Variants in TRIM34 observed in about 807,000 individuals in gnomAD.
The protein encoded by TRIM34 is E3 ubiquitin-protein ligase TRIM34.
TRIM34 carries 41 observed loss-of-function variants against 38.1 expected under a neutral mutation model. That is an observed-to-expected ratio of 1.08 (90% CI 0.84 to 1.40). The LOEUF is 1.40. Among genes scored for constraint, TRIM34 ranks in the 40% most tolerant of loss-of-function variants. TRIM34 has a pLI of 0.00. For missense variants in TRIM34, 556 were observed against 571.4 expected (o/e 0.97, Z 0.27); for synonymous variants, 200 against 202.5 (o/e 0.99, Z 0.10).
chr11:5,627,298 T>C (rs1849290131), intron 1 of TRIM34, among the ~76,000 whole-genome samples: 1 of 151,962 alleles, frequency 6.6e-6, no homozygotes, highest in Non-Finnish European at 1.5e-5. Flanking sequence ...GAGAAGCGCT[T>C]GAACCCAGCA....
intron 1 of TRIM34, among the ~76,000 whole-genome samples, chr11:5,626,210 G>T (rs1301769419): frequency 3.3e-5 from 5 of 152,172 alleles, no homozygotes; most frequent in African/African-American, 1.2e-4. Context: ...TATAAAGCAG[G>T]CTGCTAATGT....
chr11:5,634,492 TAC>T (rs3060967), intron 3 of TRIM34, 137 bp from the exon 4 acceptor site: 96,263 of 226,662 alleles, frequency 0.42, 19,144 homozygotes, highest in Admixed American at 0.46. Flanking sequence ...ATAATATAAA[TAC>T]ACACACACAC....
upstream of TRIM34, among the ~76,000 whole-genome samples, chr11:5,621,887 T>A (rs1310948785): frequency 6.6e-6 from 1 of 152,136 alleles, no homozygotes; most frequent in Non-Finnish European, 1.5e-5. Context: ...ACATCTCACA[T>A]TTATTGATTG....
rs1184766229 is a variant in TRIM34, at chr11:5,634,524, CACACACATATATATAT to C, written c.520-105_520-90del. ...ACACACACACACACACACACACACA[CACACACATATATATAT>C]ATATATATTTCCCTACTGGCTCCTA... On this transcript the variant is annotated intron_variant, in intron 3 of 7. Coordinates refer to ENST00000429814, the MANE Select transcript of TRIM34 (RefSeq NM_021616.6). The C allele has an allele frequency of 7.4e-6, 5 of 676,796 alleles. No homozygotes were observed. In the African/African-American group the frequency reaches 1.1e-4, roughly 15 times the overall value. 41.9% of individuals were successfully genotyped at this position (676,796 alleles called of 1,614,324 possible).
At chr11:5,622,554 G>A (rs916255648), upstream of TRIM34, among the ~76,000 whole-genome samples, 1 of 152,042 alleles carries the variant, frequency 6.6e-6, no homozygotes, top group Non-Finnish European at 1.5e-5. Flanking sequence ...GGAGGCGGAG[G>A]TTGCGGTGAG....
chr11:5,631,178 G>A (rs1050510631), intron 1 of TRIM34, among the ~76,000 whole-genome samples: 2 of 152,116 alleles, frequency 1.3e-5, no homozygotes, highest in Non-Finnish European at 2.9e-5. Context: ...ATCAACCTCT[G>A]TAACATCCTT....
chr11:5,632,635 G>A lies in TRIM34; in HGVS notation c.304G>A (p.Glu102Lys), dbSNP rs1377509121. Residue 102 changes from glutamate (E) to lysine (K), a missense_variant, in exon 2 of 8, where the codon GAG becomes AAG. Coordinates refer to ENST00000429814, the MANE Select transcript of TRIM34 (RefSeq NM_021616.6). Reference protein sequence around the residue: ...KKRDLCDHHGEKLLLFCKEDR... With the variant: ...KKRDLCDHHGKKLLLFCKEDR... ...GAGAGATCTCTGTGATCATCATGGA[G>A]AGAAACTCCTACTCTTCTGTAAGGA... 5.0e-6 allele frequency: 8 copies of A among 1,613,008 alleles called. No individual in the cohort carries two copies. In the African/African-American group the frequency reaches 9.4e-5, roughly 19 times the overall value.
At chr11:5,621,139 T>C (rs1848981034), upstream of TRIM34, among the ~76,000 whole-genome samples, 2 of 152,226 alleles carry the variant, frequency 1.3e-5, no homozygotes, top group Admixed American at 1.3e-4. Context: ...CTTTAACCCC[T>C]GCATCCCAGT....
intron 1 of TRIM34, among the ~76,000 whole-genome samples, chr11:5,628,804 T>C (rs1196795247): frequency 2.0e-5 from 2 of 100,068 alleles, no homozygotes; most frequent in Non-Finnish European, 2.9e-5. Flanking sequence ...GCGGCAAAGT[T>C]GATTTTTTTT....
chr11:5,627,505 C>A (rs1590156592), intron 1 of TRIM34, among the ~76,000 whole-genome samples: 1 of 152,266 alleles, frequency 6.6e-6, no homozygotes, highest in African/African-American at 2.4e-5. Flanking sequence ...AAAAAAAACT[C>A]TTTCAGCATA....
intron 6 of TRIM34, 37 bp from the exon 7 acceptor site, chr11:5,642,780 T>A: frequency 6.2e-7 from 1 of 1,613,654 alleles, no homozygotes; most frequent in Middle Eastern, 1.7e-4. Flanking sequence ...TACTCCTTTG[T>A]TTCTAATCAG....
In TRIM34 at chr11:5,643,870, C is replaced by A; in HGVS notation, c.*161C>A. On this transcript the variant is annotated 3_prime_UTR_variant, in exon 8 of 8. Transcript: ENST00000429814. ...TATTTGGCTTGAGTTATGAGAGATG[C>A]TTATTTATTCATTTACTCTTTTTCA... is the stretch of plus-strand genomic sequence containing the variant. 1.1e-6 allele frequency: 1 copy of A among 910,392 alleles called. No individual in the cohort carries two copies. Among genetic ancestry groups the A allele is most frequent in the East Asian group, 2.6e-5 (1 of 38,108 alleles). The allele number at this position is 910,392 out of a possible 1,614,324, so 56.4% of individuals were successfully genotyped here.
chr11:5,632,384 G>T lies in TRIM34; in HGVS notation c.53G>T (p.Cys18Phe), dbSNP rs371019011. 1 of 1,614,086 alleles carries T rather than the reference G, an allele frequency of 6.2e-7. No individual in the cohort carries two copies. The highest frequency in any genetic ancestry group is 1.3e-5 in the African/African-American group (1 of 75,016). ...CAAGAGGAGGTGACCTGTCCCATCTGCCTGGAGCTGTTGACAGAACCCTTG... is the reference window on the plus strand; with the variant it reads ...CAAGAGGAGGTGACCTGTCCCATCTTCCTGGAGCTGTTGACAGAACCCTTG... The part of the protein sequence containing the change: ...NVQEEVTCPI[C>F]LELLTEPLSL... The change falls in exon 2 of 8, where the codon TGC becomes TTC. Residue 18 changes from cysteine to phenylalanine, a missense_variant. Transcript: ENST00000429814.
intron 1 of TRIM34, among the ~76,000 whole-genome samples, 199 bp downstream of exon 1, chr11:5,625,259 TAAAGAGGCAGA>T (rs1849153554): frequency 6.6e-6 from 1 of 152,186 alleles, no homozygotes; most frequent in African/African-American, 2.4e-5. Context: ...AAAGCAGTGT[TAAAGAGGCAGA>T]AGGCCGCCTT....
chr11:5,634,841 TC>T lies in TRIM34; in HGVS notation c.731del (p.Ser244Ter). ...ISDVECRSQW[S>X]TMELLQDMSG... ...AGATGTGGAGTGTCGGAGTCAGTGG[TC>T]AACAATGGAGCTGCTGCAGGTAAGA... On this transcript the variant is annotated frameshift_variant, in exon 4 of 8. Transcript: ENST00000429814. LOFTEE classifies it high-confidence loss of function. 6.2e-7 allele frequency: 1 copy of T among 1,612,896 alleles called. No individual in the cohort carries two copies. Among genetic ancestry groups the T allele is most frequent in the Non-Finnish European group, 8.5e-7 (1 of 1,179,328 alleles).
chr11:5,632,970 G>T (rs1257930077), intron 2 of TRIM34, among the ~76,000 whole-genome samples: 2 of 148,462 alleles, frequency 1.3e-5, no homozygotes, highest in Non-Finnish European at 3.0e-5. Context: ...CGGATTACAG[G>T]CGCCTGCCAC....
chr11:5,642,896 T>G, intron 7 of TRIM34, 53 bp downstream of exon 7: 1 of 1,609,162 alleles, frequency 6.2e-7, no homozygotes, highest in South Asian at 1.1e-5. Flanking sequence ...TTTCAGAAGT[T>G]TATGGTTTCA....
rs541065819 is a variant in TRIM34 at position 5,627,127 on chromosome 11, C to A, written c.-78+2067C>A. ...GCACAGTAGCTCACACCTGTAATCC[C>A]AGCACTGTGGGAGGCCAAGGCGGGT... On this transcript the variant is annotated intron_variant, in intron 1 of 7. Coordinates refer to ENST00000429814, the MANE Select transcript of TRIM34 (RefSeq NM_021616.6). Among the ~76,000 whole-genome samples, 8 of 152,236 alleles carry A rather than the reference C, an allele frequency of 5.3e-5. No individual in the cohort carries two copies. In the East Asian group the frequency reaches 1.5e-3, roughly 29 times the overall value.
chr11:5,641,441 CT>C, intron 5 of TRIM34: 1 of 918,060 alleles, frequency 1.1e-6, no homozygotes, highest in Non-Finnish European at 1.5e-6. Flanking sequence ...AGGATGAGAG[CT>C]TTTACTGTCA....
Sources: allele counts gnomAD v4.1 joint callset (sites outside exome capture counted in the v4.1 genomes callset), GRCh38; gene constraint gnomAD v4.1.1; transcripts MANE v1.5; gene names NCBI Gene and HGNC (gene_info 2026-07-23, HGNC 2026-07-21).